The following CCDC171 variants were observed in gnomAD, a reference collection of about 807,000 sequenced individuals.
The protein encoded by CCDC171 is coiled-coil domain-containing protein 171.
CCDC171 carries 177 observed loss-of-function variants against 168.2 expected under a neutral mutation model. The observed-to-expected ratio is 1.05, with a 90% CI of 0.93 to 1.19. The LOEUF is 1.19. Ranked by LOEUF, CCDC171 falls within the 50% of genes most tolerant of loss-of-function variation. The pLI, the probability that CCDC171 is intolerant of heterozygous loss-of-function variation, is 0.00. For synonymous variants in CCDC171, 687 were observed against 540.8 expected (o/e 1.27, Z -3.75); for missense variants, 1,991 against 1,539.0 (o/e 1.29, Z -4.91).
At chr9:15,675,834 C>A (rs1332153145) in intron 9 of CCDC171, among the ~76,000 whole-genome samples, 1 of 152,122 alleles carries the variant, frequency 6.6e-6, no homozygotes, top group East Asian at 1.9e-4. Context: ...CTTGGTGAAT[C>A]TGACAATCGT....
intron 18 of CCDC171, among the ~76,000 whole-genome samples, chr9:15,747,668 A>G (rs1273522620): frequency 1.3e-5 from 2 of 152,220 alleles, no homozygotes; most frequent in East Asian, 3.9e-4. Context: ...AGCCTGTTAG[A>G]AGGAAAACTA....
chr9:15,617,540 C>A (rs548929453), intron 6 of CCDC171, among the ~76,000 whole-genome samples: 2 of 151,938 alleles, frequency 1.3e-5, no homozygotes, highest in Non-Finnish European at 2.9e-5. Flanking sequence ...CCACACCCGG[C>A]TAATTTTTTG....
downstream of CCDC171, among the ~76,000 whole-genome samples, chr9:16,066,628 C>G (rs1463075035): frequency 2.4e-5 from 3 of 124,842 alleles, no homozygotes; most frequent in African/African-American, 9.1e-5. Flanking sequence ...CACCCCACAA[C>G]AGTCCCCAGA....
chr9:15,755,489 T>G (rs867223743), intron 18 of CCDC171, among the ~76,000 whole-genome samples: 9 of 152,296 alleles, frequency 5.9e-5, no homozygotes, highest in Middle Eastern at 3.4e-3. Flanking sequence ...TTCAAGTGTT[T>G]GTGAATTGGA....
intron 21 of CCDC171, among the ~76,000 whole-genome samples, chr9:15,827,696 C>G (rs1192338449): frequency 6.6e-6 from 1 of 151,938 alleles, no homozygotes; most frequent in African/African-American, 2.4e-5. Context: ...CATCTTTGTC[C>G]TTTTAATCTG....
chr9:15,650,796 A>G (rs1253094938), intron 7 of CCDC171, among the ~76,000 whole-genome samples: 1 of 152,130 alleles, frequency 6.6e-6, no homozygotes, highest in African/African-American at 2.4e-5. Context: ...GCATAGAATG[A>G]AATTATCAAG....
At chr9:15,899,749 A>G (rs972416411) in intron 24 of CCDC171, among the ~76,000 whole-genome samples, 1 of 152,096 alleles carries the variant, frequency 6.6e-6, no homozygotes, top group Non-Finnish European at 1.5e-5. Context: ...AGTTGTTTAT[A>G]TATTCTAGAA....
the CCDC171 span, among the ~76,000 whole-genome samples, chr9:16,067,834 G>A: frequency 6.6e-6 from 1 of 152,108 alleles, no homozygotes; most frequent in African/African-American, 2.4e-5. Flanking sequence ...CTCTGTTTTG[G>A]TACCAGTGCC....
the CCDC171 span, among the ~76,000 whole-genome samples, chr9:16,104,410 C>G: frequency 3.9e-5 from 6 of 152,268 alleles, no homozygotes; most frequent in African/African-American, 1.4e-4. Context: ...CTATTTCTCC[C>G]TCTCTGCCTT....
At chr9:15,996,608 T>C (rs1832381974) in intron 3 of CCDC171, among the ~76,000 whole-genome samples, 1 of 151,946 alleles carries the variant, frequency 6.6e-6, no homozygotes, top group Non-Finnish European at 1.5e-5. Context: ...TTAGGAATGC[T>C]CAACTAAAAT....
At chr9:15,773,122 T>G (rs947686951) in intron 18 of CCDC171, among the ~76,000 whole-genome samples, 1 of 152,166 alleles carries the variant, frequency 6.6e-6, no homozygotes, top group African/African-American at 2.4e-5. Context: ...TCTTTGAGTA[T>G]GAGGACTTCA....
chr9:15,917,389 C>G (rs1042483640), intron 24 of CCDC171, among the ~76,000 whole-genome samples: 4 of 151,672 alleles, frequency 2.6e-5, no homozygotes, highest in Non-Finnish European at 5.9e-5. Context: ...CACTATTATA[C>G]AAATTTTATT....
At chr9:15,721,626 A>G (rs963951478) in intron 11 of CCDC171, 143 bp from the exon 12 acceptor site, 18 of 287,632 alleles carry the variant, frequency 6.3e-5, no homozygotes, top group African/African-American at 3.8e-4. Flanking sequence ...TTATTCTCCA[A>G]GTATACTGCT....
chr9:15,748,961 T>C (rs2055504312), intron 18 of CCDC171, among the ~76,000 whole-genome samples: 1 of 152,148 alleles, frequency 6.6e-6, no homozygotes, highest in African/African-American at 2.4e-5. Flanking sequence ...AATTCACATA[T>C]AACAATATTA....
chr9:16,044,181 C>T (rs1224944871), intron 1 of CCDC171, among the ~76,000 whole-genome samples: 2 of 152,126 alleles, frequency 1.3e-5, no homozygotes, highest in Non-Finnish European at 2.9e-5. Flanking sequence ...GGAAGGGAGG[C>T]TGGGGGTGGT....
At chr9:15,961,627 T>C (rs1830339586) in intron 25 of CCDC171, among the ~76,000 whole-genome samples, 1 of 152,156 alleles carries the variant, frequency 6.6e-6, no homozygotes, top group African/African-American at 2.4e-5. Context: ...GAAAAACACT[T>C]AAAGACCTAT....
intron 8 of CCDC171, among the ~76,000 whole-genome samples, chr9:15,665,123 A>T (rs2048636615): frequency 6.6e-6 from 1 of 150,960 alleles, no homozygotes; most frequent in Non-Finnish European, 1.5e-5. Flanking sequence ...AGACCTAAAC[A>T]TTTTTTTTTA....
In CCDC171 at chr9:15,971,608, G is replaced by C; in HGVS notation, c.3754-1G>C. Reference sequence around the variant, plus strand: ...TTATTTTTTTCTTTTGTATGTCACAGATAGGATCACGAGACCATTCAAATC... The same window carrying C: ...TTATTTTTTTCTTTTGTATGTCACACATAGGATCACGAGACCATTCAAATC... On this transcript the variant is annotated splice_acceptor_variant, in intron 25 of 25. Coordinates refer to ENST00000380701, the MANE Select transcript of CCDC171 (RefSeq NM_173550.4). LOFTEE classifies it high-confidence loss of function. The C allele has an allele frequency of 6.2e-7, 1 of 1,608,458 alleles. No individual in the cohort carries two copies. Among genetic ancestry groups the C allele is most frequent in the Non-Finnish European group, 8.5e-7 (1 of 1,176,028 alleles).
intron 3 of CCDC171, among the ~76,000 whole-genome samples, chr9:15,981,598 C>T (rs1471244773): frequency 6.6e-6 from 1 of 152,094 alleles, no homozygotes; most frequent in Admixed American, 6.5e-5. Flanking sequence ...CATGTAGAAG[C>T]TTTTTAAGTT....
Sources: gnomAD v4.1 joint callset for allele counts (sites outside exome capture counted in the v4.1 genomes callset) on GRCh38, gnomAD v4.1.1 for gene constraint, MANE v1.5 for transcripts, NCBI Gene and HGNC (gene_info 2026-07-23, HGNC 2026-07-21) for gene names.